The following PCDH11Y variants were observed in gnomAD, a reference collection of about 807,000 sequenced individuals.
PCDH11Y encodes protocadherin 11 Y-linked, also known as protocadherin-11 Y-linked.
For synonymous variants in PCDH11Y, 9 were observed against 83.6 expected, an observed-to-expected ratio of 0.11 and a Z score of 4.87; for missense variants, 12 against 224.8, an observed-to-expected ratio of 0.05 and a Z score of 6.05.
chrY:5,562,639 T>A, intron 3 of PCDH11Y, among the ~76,000 whole-genome samples: 1 of 27,894 alleles, frequency 3.6e-5, no homozygotes, highest in Non-Finnish European at 8.5e-5. Flanking sequence ...CGGGCGCCTG[T>A]AGTCCCAGCT....
chrY:5,353,540 T>G, intron 2 of PCDH11Y, among the ~76,000 whole-genome samples: 1 of 32,551 alleles, frequency 3.1e-5, no homozygotes, highest in African/African-American at 1.2e-4. Flanking sequence ...TTATAATTAT[T>G]ATAATTTTCA....
intron 3 of PCDH11Y, among the ~76,000 whole-genome samples, chrY:5,549,934 AG>A (rs2053416975): frequency 3.1e-5 from 1 of 31,886 alleles, no homozygotes; most frequent in Non-Finnish European, 7.7e-5. Context: ...CAACAGACAA[AG>A]GGGGCCTCCT....
At chrY:5,048,757 T>C (rs2052646757) in intron 3 of PCDH11Y, among the ~76,000 whole-genome samples, 1 of 33,067 alleles carries the variant, frequency 3.0e-5, no homozygotes, top group Admixed American at 2.7e-4. Context: ...GTTGTTTTTT[T>C]CTTGTAAACT....
At chrY:5,725,046 G>A (rs1602964445) in intron 4 of PCDH11Y, among the ~76,000 whole-genome samples, 11 of 33,044 alleles carry the variant, frequency 3.3e-4, no homozygotes, top group African/African-American at 8.2e-4. Context: ...AGGCCGAGGC[G>A]GGCGGATCAC....
At chrY:5,199,913 G>A in intron 2 of PCDH11Y, among the ~76,000 whole-genome samples, 2 of 33,295 alleles carry the variant, frequency 6.0e-5, no homozygotes, top group Non-Finnish European at 1.5e-4. Flanking sequence ...GTTCAGTTTT[G>A]GACGTCTTAA....
chrY:5,070,667 C>G (rs2052698377), intron 1 of PCDH11Y, among the ~76,000 whole-genome samples: 1 of 32,713 alleles, frequency 3.1e-5, no homozygotes, highest in Non-Finnish European at 7.6e-5. Context: ...TATTAGGTTC[C>G]TTAACTTTAC....
chrY:5,629,704 C>T, intron 4 of PCDH11Y, among the ~76,000 whole-genome samples: 2 of 34,187 alleles, frequency 5.9e-5, no homozygotes, highest in African/African-American at 2.3e-4. Context: ...TAGTGCATTA[C>T]TGTCAATTTT....
intron 2 of PCDH11Y, among the ~76,000 whole-genome samples, chrY:5,311,968 G>T: frequency 2.7e-4 from 8 of 30,030 alleles, no homozygotes; most frequent in Non-Finnish European, 6.4e-4. Context: ...TGGGATTACA[G>T]GCGTGAGCCA....
At chrY:5,235,278 G>A (rs2052973704) in intron 2 of PCDH11Y, among the ~76,000 whole-genome samples, 1 of 28,967 alleles carries the variant, frequency 3.5e-5, no homozygotes, top group Admixed American at 3.4e-4. Flanking sequence ...TTTTTTTTCT[G>A]ACTTTTAGGT....
intron 4 of PCDH11Y, among the ~76,000 whole-genome samples, chrY:5,652,542 T>A: frequency 6.3e-5 from 2 of 31,839 alleles, no homozygotes; most frequent in Non-Finnish European, 1.5e-4. Flanking sequence ...AAAAAAAAAA[T>A]GTCCTACTTA....
chrY:5,383,331 C>G (rs2053206998), intron 2 of PCDH11Y, among the ~76,000 whole-genome samples: 1 of 30,953 alleles, frequency 3.2e-5, no homozygotes, highest in South Asian at 7.6e-4. Context: ...AACTCCATCT[C>G]TACTAAAAAT....
intron 2 of PCDH11Y, among the ~76,000 whole-genome samples, chrY:5,289,170 T>C: frequency 3.0e-5 from 1 of 33,058 alleles, no homozygotes; most frequent in Non-Finnish European, 7.4e-5. Context: ...CTCTTCCCTG[T>C]TCCAGGCAAC....
At chrY:5,012,912 T>C (rs2124618567) in intron 1 of PCDH11Y, among the ~76,000 whole-genome samples, 1 of 27,342 alleles carries the variant, frequency 3.7e-5, no homozygotes, top group South Asian at 9.3e-4. Context: ...TGCAGTGGTG[T>C]GATCTCGGCT....
intron 4 of PCDH11Y, among the ~76,000 whole-genome samples, chrY:5,583,228 G>A (rs2053452227): frequency 3.1e-5 from 1 of 32,549 alleles, no homozygotes; most frequent in African/African-American, 1.2e-4. Context: ...ATTCTGTTCC[G>A]TTGGTCTATA....
intron 4 of PCDH11Y, among the ~76,000 whole-genome samples, chrY:5,674,732 G>C: frequency 3.0e-5 from 1 of 33,619 alleles, no homozygotes; most frequent in African/African-American, 1.2e-4. Context: ...GACTTCAATG[G>C]AATATTTTAA....
chrY:5,231,758 T>A, intron 2 of PCDH11Y, among the ~76,000 whole-genome samples: 1 of 33,429 alleles, frequency 3.0e-5, no homozygotes, highest in African/African-American at 1.2e-4. Context: ...AGACCCTATG[T>A]GCGTCCAGAA....
intron 3 of PCDH11Y, among the ~76,000 whole-genome samples, chrY:5,044,416 C>T (rs2052628084): frequency 2.4e-4 from 8 of 32,912 alleles, no homozygotes; most frequent in African/African-American, 9.6e-4. Context: ...TGTAGTTGAG[C>T]GGTTTTGAGT....
chrY:5,130,519 T>A, intron 2 of PCDH11Y, among the ~76,000 whole-genome samples: 3 of 33,405 alleles, frequency 9.0e-5, no homozygotes, highest in African/African-American at 3.5e-4. Context: ...TCAACATCAC[T>A]GATCACTGAA....
intron 2 of PCDH11Y, among the ~76,000 whole-genome samples, chrY:5,134,632 T>C: frequency 3.1e-5 from 1 of 32,431 alleles, no homozygotes; most frequent in Non-Finnish European, 7.5e-5. Context: ...TCTGTTGATA[T>C]GATATATCAC....
Sources: gnomAD v4.1 joint callset for allele counts (sites outside exome capture counted in the v4.1 genomes callset) on GRCh38, gnomAD v4.1.1 for gene constraint, MANE v1.5 for transcripts, NCBI Gene and HGNC (gene_info 2026-07-23, HGNC 2026-07-21) for gene names.